Variants in DHX15 observed in about 807,000 individuals in gnomAD.
DHX15 encodes the protein DEAH-box helicase 15.
DHX15 carries 11 observed loss-of-function variants against 94.4 expected under a neutral mutation model. That is an observed-to-expected ratio of 0.12 (90% CI 0.07 to 0.19). The LOEUF (loss-of-function observed/expected upper bound fraction) is 0.19. Among genes scored for constraint, DHX15 ranks in the 10% least tolerant of loss-of-function variants. The pLI, the probability that DHX15 is intolerant of heterozygous loss-of-function variation, is 1.00. For missense variants in DHX15, 304 were observed against 988.5 expected, an observed-to-expected ratio of 0.31 and a Z score of 9.29; for synonymous variants, 338 against 329.9, an observed-to-expected ratio of 1.02 and a Z score of -0.27.
At chr4:24,550,278 T>C (rs974665171) in intron 5 of DHX15, among the ~76,000 whole-genome samples, 2 of 151,914 alleles carry the variant, frequency 1.3e-5, no homozygotes, top group African/African-American at 2.4e-5. Flanking sequence ...ATTTTGGCGA[T>C]ACAAAATTTA....
chr4:24,581,772 T>C (rs1289369893), intron 1 of DHX15, among the ~76,000 whole-genome samples: 1 of 152,178 alleles, frequency 6.6e-6, no homozygotes, highest in Non-Finnish European at 1.5e-5. Flanking sequence ...TTTCCATACT[T>C]CAACAGTAAG....
intron 11 of DHX15, among the ~76,000 whole-genome samples, chr4:24,534,538 C>T (rs1195668356): frequency 9.9e-5 from 15 of 152,090 alleles, no homozygotes; most frequent in Non-Finnish European, 5.9e-5. Flanking sequence ...AAACTGGAAA[C>T]ATTAATATAA....
At chr4:24,555,386 C>G (rs1216504491) in intron 4 of DHX15, among the ~76,000 whole-genome samples, 1 of 151,704 alleles carries the variant, frequency 6.6e-6, no homozygotes, top group Non-Finnish European at 1.5e-5. Context: ...TTTCTACTTT[C>G]AGGTTCTCAC....
chr4:24,550,235 T>C (rs905541937), intron 5 of DHX15, among the ~76,000 whole-genome samples: 5 of 152,050 alleles, frequency 3.3e-5, no homozygotes, highest in African/African-American at 1.2e-4. Context: ...TAGGACATTC[T>C]GTACAGAACT....
chr4:24,582,652 T>C (rs1722441285), intron 1 of DHX15, among the ~76,000 whole-genome samples: 1 of 152,234 alleles, frequency 6.6e-6, no homozygotes. Context: ...ACTACAGTAC[T>C]GAACTGTGTG....
intron 3 of DHX15, among the ~76,000 whole-genome samples, chr4:24,567,862 TAAAAA>T (rs938722107): frequency 6.6e-6 from 1 of 152,166 alleles, no homozygotes; most frequent in Non-Finnish European, 1.5e-5. Flanking sequence ...AGCAAACACA[TAAAAA>T]AGGAAATATA....
At chr4:24,532,699 T>C (rs1721109505) in intron 12 of DHX15, among the ~76,000 whole-genome samples, 165 bp downstream of exon 12, 2 of 152,250 alleles carry the variant, frequency 1.3e-5, no homozygotes, top group Admixed American at 1.3e-4. Flanking sequence ...TTAAAATTTC[T>C]TAGTATATTA....
chr4:24,552,040 A>T (rs1721619716), intron 5 of DHX15, among the ~76,000 whole-genome samples: 1 of 152,236 alleles, frequency 6.6e-6, no homozygotes, highest in Admixed American at 6.5e-5. Flanking sequence ...TTTTAGATAA[A>T]GTCCTAAACA....
intron 5 of DHX15, among the ~76,000 whole-genome samples, chr4:24,553,331 A>C (rs1360504845): frequency 6.6e-6 from 1 of 151,978 alleles, no homozygotes; most frequent in Non-Finnish European, 1.5e-5. Flanking sequence ...CAAATAAATA[A>C]ATAATAAAAC....
chr4:24,553,162 A>C (rs1721649064), intron 5 of DHX15, among the ~76,000 whole-genome samples: 2 of 152,094 alleles, frequency 1.3e-5, no homozygotes, highest in South Asian at 4.1e-4. Context: ...ATCTCTACCA[A>C]AAATACCAAT....
chr4:24,573,612 T>G lies in DHX15; in HGVS notation c.507+2631A>C, dbSNP rs372804682. On this transcript the variant is annotated intron_variant, in intron 2 of 13. Coordinates refer to ENST00000336812, the MANE Select transcript of DHX15 (RefSeq NM_001358.3). ...CATCAATATGTTCACTAGACAGGAGTTTTTTTAAAAAAAAATCCTCATCAT... is the reference window on the plus strand; with the variant it reads ...CATCAATATGTTCACTAGACAGGAGGTTTTTTAAAAAAAAATCCTCATCAT... 8.7e-3 allele frequency among the ~76,000 whole-genome samples: 1,305 copies of G among 149,364 alleles called. 23 individuals are homozygous for G. The highest frequency in any genetic ancestry group is 0.029 in the African/African-American group (1,208 of 41,216).
chr4:24,546,081 C>G (rs549149814), intron 6 of DHX15, among the ~76,000 whole-genome samples: 8 of 152,288 alleles, frequency 5.3e-5, no homozygotes, highest in African/African-American at 1.9e-4. Flanking sequence ...TTTGCCCTAC[C>G]TGAATACTGT....
At chr4:24,551,981 G>C (rs1315580274) in intron 5 of DHX15, among the ~76,000 whole-genome samples, 1 of 152,176 alleles carries the variant, frequency 6.6e-6, no homozygotes, top group African/African-American at 2.4e-5. Flanking sequence ...GACTATGTAG[G>C]ATATAAAGGC....
intron 3 of DHX15, among the ~76,000 whole-genome samples, chr4:24,564,731 T>C (rs943076810): frequency 1.1e-4 from 17 of 152,214 alleles, no homozygotes; most frequent in Admixed American, 7.9e-4. Context: ...ACTAACTTAC[T>C]GTAATCACAA....
At position 24,556,354 on chromosome 4, in the gene DHX15, C is replaced by T. The variant is rs772864640; in HGVS notation, c.758G>A (p.Arg253His). 1.2e-6 allele frequency: 2 copies of T among 1,613,524 alleles called. No individual in the cohort carries two copies. Among genetic ancestry groups the T allele is most frequent in the Non-Finnish European group, 1.7e-6 (2 of 1,179,626 alleles). The change falls in exon 4 of 14, where the codon CGT (arginine) becomes CAT (histidine). Residue 253 changes from arginine (R) to histidine (H), a missense_variant. This residue lies in a region of DHX15 where 29 missense variants were observed against 181.6 expected (regional missense o/e 0.16). Transcript: ENST00000336812. Reference protein sequence around the residue: ...REAMNDPLLERYGVIILDEAH... With the variant: ...REAMNDPLLEHYGVIILDEAH... ...CTCATCAAGAATTATTACACCATAACGCTCCAGGAGGGGATCATTCATAGC... is the reference window on the plus strand; with the variant it reads ...CTCATCAAGAATTATTACACCATAATGCTCCAGGAGGGGATCATTCATAGC...
At position 24,565,502 on chromosome 4, in the gene DHX15, G is replaced by A. The variant is rs144327255; in HGVS notation, c.701+5152C>T. On this transcript the variant is annotated intron_variant, in intron 3 of 13. Coordinates refer to ENST00000336812, the MANE Select transcript of DHX15 (RefSeq NM_001358.3). ...CACATAACAGATGTTCAATAAATTAGTTTATAATTGTTTGTATAATTAATG... is the reference window on the plus strand; with the variant it reads ...CACATAACAGATGTTCAATAAATTAATTTATAATTGTTTGTATAATTAATG... Among the ~76,000 whole-genome samples, 33 of 152,272 alleles carry A rather than the reference G, an allele frequency of 2.2e-4. No individual in the cohort carries two copies. The East Asian group carries it at 6.4e-3, about 29-fold the overall frequency.
chr4:24,547,420 A>C (rs1721448298), intron 6 of DHX15, among the ~76,000 whole-genome samples: 1 of 152,192 alleles, frequency 6.6e-6, no homozygotes, highest in Non-Finnish European at 1.5e-5. Flanking sequence ...GCAAAACAGA[A>C]ACAAAAACTT....
Position 24,554,013 on chromosome 4 carries a change from T to C in DHX15, c.1080+712A>G, listed in dbSNP as rs142797192. 1.8e-3 allele frequency among the ~76,000 whole-genome samples: 267 copies of C among 152,056 alleles called. 1 individual carries two copies. Among genetic ancestry groups the C allele is most frequent in the Middle Eastern group, 6.8e-3 (2 of 294 alleles). The stretch of plus-strand genomic sequence containing the variant: ...GAGAGTGGATCACGAGGTCAGGAGA[T>C]TGAGACCATCCTGGCTAAAACGGTG... On this transcript the variant is annotated intron_variant, in intron 5 of 13. Coordinates refer to ENST00000336812, the MANE Select transcript of DHX15 (RefSeq NM_001358.3).
intron 7 of DHX15, among the ~76,000 whole-genome samples, chr4:24,542,343 T>C (rs1721329908): frequency 6.6e-6 from 1 of 152,190 alleles, no homozygotes; most frequent in South Asian, 2.1e-4. Flanking sequence ...TCAAGGATTC[T>C]GCCCGAAAAG....
Sources: gnomAD v4.1 joint callset for allele counts (sites outside exome capture counted in the v4.1 genomes callset) on GRCh38, gnomAD v4.1.1 for gene constraint, gnomAD v4.1.1 regional missense constraint, MANE v1.5 for transcripts, NCBI Gene and HGNC (gene_info 2026-07-23, HGNC 2026-07-21) for gene names.